The following IL16 variants were observed in gnomAD, a reference collection of about 807,000 sequenced individuals.
IL16 encodes the protein interleukin 16, also known as pro-interleukin-16.
IL16 carries 67 observed loss-of-function variants against 110.1 expected under a neutral mutation model. The observed-to-expected ratio is 0.61, with a 90% CI of 0.50 to 0.75. The LOEUF is 0.75. IL16 is among the 30% of genes least tolerant of loss of function. The probability of loss-of-function intolerance (pLI) is 0.00; values close to 1 mark genes in which losing one functional copy is unlikely to be tolerated. For synonymous variants in IL16, 689 were observed against 662.9 expected (o/e 1.04, Z -0.61); for missense variants, 1,545 against 1,655.0 (o/e 0.93, Z 1.15).
chr15:81,225,697 A>T lies in IL16; in HGVS notation c.298A>T (p.Ile100Leu), dbSNP rs769798456. 6.2e-7 allele frequency: 1 copy of T among 1,607,076 alleles called. No homozygotes were observed. The highest frequency in any genetic ancestry group is 8.5e-7 in the Non-Finnish European group (1 of 1,174,740). The change falls in exon 2 of 19, where the codon ATA becomes TTA. Residue 100 changes from isoleucine (I) to leucine (L), a missense_variant. Ile to Leu is a conservative substitution (Grantham distance 5, BLOSUM62 2). Coordinates refer to ENST00000683961, the MANE Select transcript of IL16 (RefSeq NM_172217.5). ...GNDRGKTCRR[I>L]FFMKESSTAS... Reference sequence around the variant, plus strand: ...TGATCGAGGCAAGACCTGTAGGAGGATATTCTTCATGAAGGTATGCCCAGG... The same window carrying T: ...TGATCGAGGCAAGACCTGTAGGAGGTTATTCTTCATGAAGGTATGCCCAGG...
intron 2 of IL16, among the ~76,000 whole-genome samples, chr15:81,235,248 GAA>G (rs1897141452): frequency 6.6e-6 from 1 of 152,162 alleles, no homozygotes; most frequent in African/African-American, 2.4e-5. Flanking sequence ...AATTTTTAAA[GAA>G]AAGAGGTTTA....
At chr15:81,275,697 A>T (rs1898879440) in intron 6 of IL16, among the ~76,000 whole-genome samples, 1 of 152,224 alleles carries the variant, frequency 6.6e-6, no homozygotes, top group South Asian at 2.1e-4. Context: ...TGAAGATTTC[A>T]ATGAGTCAAG....
intron 12 of IL16, chr15:81,295,554 T>G: frequency 4.0e-6 from 5 of 1,254,766 alleles, no homozygotes; most frequent in Non-Finnish European, 4.2e-6. Context: ...GTAATTTCTC[T>G]TGTGGACAAG....
chr15:81,250,681 A>G (rs1256890338), intron 2 of IL16, among the ~76,000 whole-genome samples: 1 of 152,200 alleles, frequency 6.6e-6, no homozygotes, highest in Non-Finnish European at 1.5e-5. Flanking sequence ...ATTCTTATCT[A>G]GAGGCTTTAA....
Position 81,293,023 on chromosome 15 carries a change from C to T in IL16, c.1888C>T (p.Pro630Ser), listed in dbSNP as rs750742942. Residue 630 changes from proline to serine, a missense_variant, in exon 12 of 19, where the codon CCC becomes TCC. By Grantham distance (74) the Pro-to-Ser change is moderately conservative (BLOSUM62 -1). Coordinates refer to ENST00000683961, the MANE Select transcript of IL16 (RefSeq NM_172217.5). ...CTCATGCTCTTCTGGGCACACCCCA[C>T]CCACCTGTGGCCAGGTAAGAGGATG... The part of the protein sequence containing the change: ...NSSCSSGHTP[P>S]TCGQEARELL... The T allele has an allele frequency of 1.9e-6, 3 of 1,607,238 alleles. No homozygotes were observed. In the East Asian group the frequency reaches 6.7e-5, roughly 36 times the overall value.
rs1264001893 is a variant in IL16 at position 81,290,517 on chromosome 15, A to T, written c.1397A>T (p.Glu466Val). ...QAVENTKFGK[E>V]RHQWSLEGVK... is the part of the protein sequence containing the mutation. ...GTGGAAAACACCAAGTTTGGAAAGG[A>T]GAGGCATCAGTGGAGTCTGGAAGGT... Residue 466 changes from glutamate (E) to valine (V), a missense_variant, in exon 11 of 19, where the codon GAG (glutamate) becomes GTG (valine). Physicochemically the swap from Glu to Val is moderately radical, Grantham distance 121. This residue lies in a region of IL16 where 1,185 missense variants were observed against 1,238.8 expected (regional missense o/e 0.96). Coordinates refer to ENST00000683961, the MANE Select transcript of IL16 (RefSeq NM_172217.5). 1.2e-6 allele frequency: 2 copies of T among 1,613,344 alleles called. No individual in the cohort carries two copies. Among genetic ancestry groups the T allele is most frequent in the East Asian group, 2.2e-5 (1 of 44,868 alleles).
chr15:81,191,483 C>A (rs1392363927), intron 1 of IL16, among the ~76,000 whole-genome samples: 1 of 152,084 alleles, frequency 6.6e-6, no homozygotes, highest in African/African-American at 2.4e-5. Flanking sequence ...TTTATCAACC[C>A]TTTATGGGCC....
chr15:81,294,502 C>T (rs1180666553), intron 12 of IL16, among the ~76,000 whole-genome samples: 1 of 152,314 alleles, frequency 6.6e-6, no homozygotes, highest in Non-Finnish European at 1.5e-5. Context: ...AGTAAGGCGT[C>T]TGGAGAAGGA....
At chr15:81,283,211 T>C (rs376637952) in intron 9 of IL16, among the ~76,000 whole-genome samples, 2 of 152,316 alleles carry the variant, frequency 1.3e-5, no homozygotes, top group South Asian at 4.1e-4. Flanking sequence ...CACACATTTG[T>C]AACCCTGAGA....
chr15:81,275,235 G>A (rs58076056), intron 6 of IL16, among the ~76,000 whole-genome samples: 26,358 of 150,842 alleles, frequency 0.17, 2,538 homozygotes, highest in Middle Eastern at 0.29. Context: ...ACGAGATGGC[G>A]CTGTCCAGCA....
chr15:81,271,510 TGGA>T (rs1204773869), intron 5 of IL16, among the ~76,000 whole-genome samples: 1 of 152,008 alleles, frequency 6.6e-6, no homozygotes, highest in Non-Finnish European at 1.5e-5. Flanking sequence ...TATATAGATA[TGGA>T]GACGGGGGAC....
At chr15:81,282,090 C>T (rs1899205977) in intron 8 of IL16, among the ~76,000 whole-genome samples, 1 of 152,170 alleles carries the variant, frequency 6.6e-6, no homozygotes, top group African/African-American at 2.4e-5. Context: ...GCGCTTGATC[C>T]CTCTCTCTCA....
chr15:81,306,390 T>C, intron 17 of IL16, 30 bp from the exon 18 acceptor site: 1 of 1,611,858 alleles, frequency 6.2e-7, no homozygotes, highest in Non-Finnish European at 8.5e-7. Context: ...GAGGAGAGGA[T>C]CCCTAACAGA....
rs2141579005 is a variant in IL16 at position 81,292,913 on chromosome 15, T to C, written c.1778T>C (p.Met593Thr). The part of the protein sequence containing the change: ...KSFEILVRKP[M>T]SSKPKPPPRK... ...TTTGAGATTTTGGTGAGAAAGCCTA[T>C]GTCCTCCAAGCCCAAGCCTCCACCC... Residue 593 changes from methionine (M) to threonine (T), a missense_variant, in exon 12 of 19, where the codon ATG (methionine) becomes ACG (threonine). Coordinates refer to ENST00000683961, the MANE Select transcript of IL16 (RefSeq NM_172217.5). The C allele has an allele frequency of 6.2e-7, 1 of 1,614,194 alleles. No homozygotes were observed. Among genetic ancestry groups the C allele is most frequent in the East Asian group, 2.2e-5 (1 of 44,884 alleles).
At chr15:81,185,136 A>T (rs1430252893) in intron 1 of IL16, among the ~76,000 whole-genome samples, 1 of 151,904 alleles carries the variant, frequency 6.6e-6, no homozygotes, top group African/African-American at 2.4e-5. Flanking sequence ...ACCTTCCCCC[A>T]CCATCCCCCC....
chr15:81,292,823 C>T lies in IL16; in HGVS notation c.1688C>T (p.Pro563Leu). 1 of 1,614,052 alleles carries T rather than the reference C, an allele frequency of 6.2e-7. No homozygotes were observed. The highest frequency in any genetic ancestry group is 1.1e-5 in the South Asian group (1 of 91,074). Residue 563 changes from proline (P) to leucine (L), a missense_variant, in exon 12 of 19, where the codon CCC becomes CTC. Around this residue, in one of 3 missense-constraint regions of IL16, gnomAD observed 1,185 missense variants for 1,238.8 expected, o/e 0.96. Transcript: ENST00000683961. ...VVLSIASSRL[P>L]QESPPLPESR... Reference sequence around the variant, plus strand: ...CTTTCTATAGCATCCTCCAGGCTGCCCCAGGAGAGCCCACCCCTCCCAGAG... The same window carrying T: ...CTTTCTATAGCATCCTCCAGGCTGCTCCAGGAGAGCCCACCCCTCCCAGAG...
chr15:81,258,025 G>C (rs1052280617), intron 2 of IL16, among the ~76,000 whole-genome samples: 6 of 152,036 alleles, frequency 3.9e-5, no homozygotes, highest in Non-Finnish European at 5.9e-5. Context: ...CACACACACA[G>C]AGCATGTGCA....
At chr15:81,184,089 T>C (rs1260094360) in intron 1 of IL16, among the ~76,000 whole-genome samples, 1 of 152,044 alleles carries the variant, frequency 6.6e-6, no homozygotes, top group Non-Finnish European at 1.5e-5. Flanking sequence ...TAGCAGAAAG[T>C]AGGGTGAGCA....
rs1898336352 is a variant in IL16 at position 81,265,523 on chromosome 15, C to G, written c.422-136C>G. On this transcript the variant is annotated intron_variant, in intron 3 of 18. Coordinates refer to ENST00000683961, the MANE Select transcript of IL16 (RefSeq NM_172217.5). Reference sequence around the variant, plus strand: ...CTTCCGCGGCCACCTCTCCCCACCACGCACCTGGCACAGGGTGTTAAGTGG... The same window carrying G: ...CTTCCGCGGCCACCTCTCCCCACCAGGCACCTGGCACAGGGTGTTAAGTGG... 6 of 898,922 alleles carry G rather than the reference C, an allele frequency of 6.7e-6. No individual in the cohort carries two copies. In the Admixed American group the frequency reaches 1.1e-4, roughly 16 times the overall value. 55.7% of individuals were successfully genotyped at this position (898,922 alleles called of 1,614,324 possible).
Sources: allele counts gnomAD v4.1 joint callset (sites outside exome capture counted in the v4.1 genomes callset), GRCh38; gene constraint gnomAD v4.1.1; regional missense constraint gnomAD v4.1.1; transcripts MANE v1.5; gene names NCBI Gene and HGNC (gene_info 2026-07-23, HGNC 2026-07-21).